Variants in AK4 observed in about 807,000 individuals in gnomAD.
AK4 encodes adenylate kinase 4.
Under a neutral mutation model 24.6 loss-of-function variants are expected in AK4, and 13 were observed. The ratio of observed to expected loss-of-function variants is 0.53; its 90% CI spans 0.34 to 0.84. AK4 has a LOEUF of 0.84. Among genes scored for constraint, AK4 ranks in the 40% least tolerant of loss-of-function variants. The pLI is 0.01. For synonymous variants in AK4, 88 were observed against 107.0 expected (o/e 0.82, Z 1.10); for missense variants, 192 against 288.2 (o/e 0.67, Z 2.42).
At chr1:65,224,921 G>A in intron 4 of AK4, 51 bp downstream of exon 4, 1 of 1,456,866 alleles carries the variant, frequency 6.9e-7, no homozygotes, top group Non-Finnish European at 9.6e-7. Flanking sequence ...GAAAGGTGTG[G>A]AGCCTGCTGG....
At chr1:65,179,394 T>G (rs1038837115) in intron 1 of AK4, among the ~76,000 whole-genome samples, 2 of 152,202 alleles carry the variant, frequency 1.3e-5, no homozygotes, top group Non-Finnish European at 2.9e-5. Flanking sequence ...TGCTTGAAGT[T>G]GAGTCTGGGC....
At chr1:65,211,350 C>T (rs917583453) in intron 2 of AK4, among the ~76,000 whole-genome samples, 5 of 152,216 alleles carry the variant, frequency 3.3e-5, no homozygotes, top group South Asian at 4.1e-4. Flanking sequence ...CTGGATCAGG[C>T]GGTTCCTGAA....
At chr1:65,152,382 ATATTTTTTTTTTTTTTTTTTTTT>A (rs1649824959) in intron 1 of AK4, among the ~76,000 whole-genome samples, 1 of 26,716 alleles carries the variant, frequency 3.7e-5, no homozygotes, top group African/African-American at 1.1e-4. Context: ...ATATATATAT[ATATTTTTTTTTTTTTTTTTTTTT>A]TTTTTTTTTT....
At chr1:65,156,178 GA>G (rs1649978468) in intron 1 of AK4, among the ~76,000 whole-genome samples, 2 of 152,114 alleles carry the variant, frequency 1.3e-5, no homozygotes, top group Non-Finnish European at 2.9e-5. Context: ...GGTACATGCA[GA>G]TAGTAAAATT....
At chr1:65,164,889 G>A (rs1650280803) in intron 1 of AK4, among the ~76,000 whole-genome samples, 1 of 152,160 alleles carries the variant, frequency 6.6e-6, no homozygotes, top group African/African-American at 2.4e-5. Context: ...GATCACTCAG[G>A]CTATTTGGAA....
intron 1 of AK4, among the ~76,000 whole-genome samples, chr1:65,156,693 G>A (rs1435365988): frequency 1.3e-5 from 2 of 151,984 alleles, no homozygotes; most frequent in Non-Finnish European, 2.9e-5. Flanking sequence ...GGAGGCTGAG[G>A]CGGGCAGATC....
intron 1 of AK4, among the ~76,000 whole-genome samples, chr1:65,186,755 T>A (rs1651112842): frequency 6.6e-6 from 1 of 152,176 alleles, no homozygotes. Context: ...GGTTGTCAGT[T>A]GCTCCTTGCA....
At chr1:65,171,354 T>C (rs1289540320) in intron 1 of AK4, among the ~76,000 whole-genome samples, 2 of 126,698 alleles carry the variant, frequency 1.6e-5, no homozygotes, top group Non-Finnish European at 3.2e-5. Context: ...TTGCCTAGCC[T>C]GCAGTGAGTG....
At chr1:65,190,668 A>G (rs1651274784) in intron 1 of AK4, 42 bp from the exon 2 acceptor site, 1 of 1,599,208 alleles carries the variant, frequency 6.3e-7, no homozygotes. Context: ...TGTGTTTGGG[A>G]AATTTTCTTG....
chr1:65,166,574 G>A (rs1320167435), intron 1 of AK4, among the ~76,000 whole-genome samples: 2 of 152,142 alleles, frequency 1.3e-5, no homozygotes, highest in Non-Finnish European at 2.9e-5. Flanking sequence ...GGCTGGAGGA[G>A]TACAGTGGTG....
At chr1:65,151,416 A>G (rs532901771) in intron 1 of AK4, among the ~76,000 whole-genome samples, 4 of 152,174 alleles carry the variant, frequency 2.6e-5, no homozygotes, top group African/African-American at 9.6e-5. Flanking sequence ...CATTAAGATA[A>G]TCTTGTGCCT....
intron 1 of AK4, among the ~76,000 whole-genome samples, chr1:65,185,920 T>G (rs2101033165): frequency 6.6e-6 from 1 of 151,918 alleles, no homozygotes; most frequent in African/African-American, 2.4e-5. Context: ...TGGCCTAATA[T>G]GACCATCTTA....
At chr1:65,149,433 G>A (rs554784843) in intron 1 of AK4, among the ~76,000 whole-genome samples, 204 of 152,330 alleles carry the variant, frequency 1.3e-3, no homozygotes, top group African/African-American at 4.7e-3. Context: ...AAAGGCGAGA[G>A]GTAGCGGTTG....
intron 2 of AK4, among the ~76,000 whole-genome samples, chr1:65,196,735 GGATT>G (rs1651484161): frequency 6.6e-6 from 1 of 152,042 alleles, no homozygotes; most frequent in Non-Finnish European, 1.5e-5. Flanking sequence ...CAAAGTGCTG[GGATT>G]ACAGGCATGA....
At chr1:65,214,028 A>G (rs12094960) in intron 2 of AK4, among the ~76,000 whole-genome samples, 3,250 of 152,302 alleles carry the variant, frequency 0.021, 111 homozygotes, top group African/African-American at 0.074. Context: ...TCTTGGACTT[A>G]TAGCTTCCAG....
intron 1 of AK4, among the ~76,000 whole-genome samples, chr1:65,168,076 A>G (rs751103443): frequency 6.6e-6 from 1 of 151,784 alleles, no homozygotes; most frequent in Non-Finnish European, 1.5e-5. Flanking sequence ...TTAAACTGCA[A>G]TGACCACCAC....
At position 65,218,934 on chromosome 1, in the gene AK4, T is replaced by C. The variant is rs1652216087; in HGVS notation, c.438+8T>C. 6.5e-7 allele frequency: 1 copy of C among 1,549,196 alleles called. No homozygotes were observed. The highest frequency in any genetic ancestry group is 1.2e-5 in the South Asian group (1 of 80,880). On this transcript the variant is annotated splice_region_variant and intron_variant, in intron 3 of 4. Transcript: ENST00000327299. ...AATCCACCTCATGTACATGTAAGAA[T>C]ATACAAAGTGCTTTCACAACCTGAC...
intron 1 of AK4, among the ~76,000 whole-genome samples, chr1:65,189,675 A>AC (rs71809703): frequency 6.6e-5 from 10 of 150,916 alleles, no homozygotes; most frequent in African/African-American, 2.5e-4. Context: ...ACACACACAC[A>AC]CACCCCACAC....
At chr1:65,176,910 CT>C (rs1650734545) in intron 1 of AK4, among the ~76,000 whole-genome samples, 1 of 152,130 alleles carries the variant, frequency 6.6e-6, no homozygotes, top group Non-Finnish European at 1.5e-5. Context: ...GGTATTGTCC[CT>C]TGATAAAATG....
Sources: gnomAD v4.1 joint callset for allele counts (sites outside exome capture counted in the v4.1 genomes callset) on GRCh38, gnomAD v4.1.1 for gene constraint, MANE v1.5 for transcripts, NCBI Gene and HGNC (gene_info 2026-07-23, HGNC 2026-07-21) for gene names.